Variants in UBASH3A observed in about 807,000 individuals in gnomAD.
UBASH3A encodes the protein ubiquitin associated and SH3 domain containing A.
In UBASH3A, 63 loss-of-function variants were observed where a neutral mutation model predicts 73.5. The observed-to-expected ratio is 0.86, with a 90% CI of 0.70 to 1.06. The LOEUF is 1.06. UBASH3A is among the 50% of genes least tolerant of loss of function. UBASH3A has a pLI of 0.00. For synonymous variants in UBASH3A, 363 were observed against 351.1 expected (o/e 1.03, Z -0.38); for missense variants, 860 against 859.0 (o/e 1.00, Z -0.02).
rs114089049 is a variant in UBASH3A at position 42,434,441 on chromosome 21, G to A, written c.1271-391G>A. ...TCTGTCCCCTGAGCAAGAAGGATACGTTTAAAGCTAGGGGGATGGATCATT... is the reference window on the plus strand; with the variant it reads ...TCTGTCCCCTGAGCAAGAAGGATACATTTAAAGCTAGGGGGATGGATCATT... On this transcript the variant is annotated intron_variant, in intron 9 of 14. Transcript: ENST00000319294. 5.3e-3 allele frequency among the ~76,000 whole-genome samples: 802 copies of A among 152,278 alleles called. 11 individuals are homozygous for A. Among genetic ancestry groups the A allele is most frequent in the African/African-American group, 0.019 (782 of 41,548 alleles).
chr21:42,432,063 G>A (rs369364334), intron 8 of UBASH3A, 40 bp from the exon 9 acceptor site: 102 of 1,344,124 alleles, frequency 7.6e-5, no homozygotes, highest in Admixed American at 5.9e-4. Context: ...TGAGTTGGAT[G>A]TTAAACTGCA....
intron 1 of UBASH3A, 185 bp downstream of exon 1, chr21:42,404,243 A>G (rs999425840): frequency 1.0e-5 from 4 of 385,318 alleles, no homozygotes; most frequent in Admixed American, 9.0e-5. Flanking sequence ...GGTGATCTTG[A>G]CCAAGCTTGT....
At chr21:42,437,438 G>GAGGCT (rs768279352) in intron 10 of UBASH3A, 50 bp from the exon 11 acceptor site, 1 of 1,549,722 alleles carries the variant, frequency 6.5e-7, no homozygotes. Context: ...TCTGCCATCA[G>GAGGCT]AGGCTAGAAT....
intron 3 of UBASH3A, among the ~76,000 whole-genome samples, chr21:42,411,312 C>T (rs2053089079): frequency 6.6e-6 from 1 of 151,892 alleles, no homozygotes; most frequent in Admixed American, 6.6e-5. Context: ...CAGATATACA[C>T]ACACAGGAAT....
chr21:42,431,928 T>C (rs12482947), intron 8 of UBASH3A, among the ~76,000 whole-genome samples, 175 bp from the exon 9 acceptor site: 87,097 of 152,064 alleles, frequency 0.57, 25,195 homozygotes, highest in Middle Eastern at 0.7. Flanking sequence ...GAAGAGATTG[T>C]CAATTTCATG....
chr21:42,424,814 G>A lies in UBASH3A; in HGVS notation c.1047-1883G>A, dbSNP rs377486548. Among the ~76,000 whole-genome samples the A allele has an allele frequency of 2.0e-5, 3 of 152,322 alleles. 1 individual carries two copies. The highest frequency in any genetic ancestry group is 1.9e-4 in the East Asian group (1 of 5,192). On this transcript the variant is annotated intron_variant, in intron 7 of 14. Transcript: ENST00000319294. ...TTGGAGACAGGGTCTTTAAAGAGGT[G>A]ACTAAGTTCAAATGAGGGCATTAGA...
chr21:42,434,814 T>C lies in UBASH3A; in HGVS notation c.1271-18T>C, dbSNP rs772216208. Reference sequence around the variant, plus strand: ...TAACTTGATGAAACTGAACGTCTGATGCTTATTTATACTTCAGGGAAATAC... The same window carrying C: ...TAACTTGATGAAACTGAACGTCTGACGCTTATTTATACTTCAGGGAAATAC... On this transcript the variant is annotated intron_variant, in intron 9 of 14. Transcript: ENST00000319294. 1.9e-6 allele frequency: 3 copies of C among 1,607,478 alleles called. No individual in the cohort carries two copies. In the East Asian group the frequency reaches 6.7e-5, roughly 36 times the overall value.
chr21:42,414,723 G>T (rs2053167601), intron 5 of UBASH3A, among the ~76,000 whole-genome samples: 1 of 152,198 alleles, frequency 6.6e-6, no homozygotes, highest in Non-Finnish European at 1.5e-5. Context: ...GAAACTGGAA[G>T]AAGCCAGGAA....
intron 7 of UBASH3A, among the ~76,000 whole-genome samples, chr21:42,420,993 T>C (rs2053328697): frequency 6.6e-6 from 1 of 152,226 alleles, no homozygotes; most frequent in Admixed American, 6.5e-5. Context: ...AGAATGCCTC[T>C]TGTAGCCCAC....
At chr21:42,446,868 T>TGGCTAGGGGACATCCCCC (rs2053852488) in intron 14 of UBASH3A, among the ~76,000 whole-genome samples, 189 bp from the exon 15 acceptor site, 3 of 152,202 alleles carry the variant, frequency 2.0e-5, no homozygotes, top group South Asian at 4.1e-4. Flanking sequence ...CAGTGTCCCC[T>TGGCTAGGGGACATCCCCC]GGCTAGGGGA....
chr21:42,411,449 C>T (rs1428955284), intron 3 of UBASH3A, among the ~76,000 whole-genome samples: 1 of 152,014 alleles, frequency 6.6e-6, no homozygotes, highest in East Asian at 1.9e-4. Context: ...TACAGACACA[C>T]ACATAAGCAC....
intron 14 of UBASH3A, among the ~76,000 whole-genome samples, chr21:42,445,627 C>T (rs778660910): frequency 7.9e-5 from 12 of 152,224 alleles, no homozygotes; most frequent in Non-Finnish European, 2.9e-5. Flanking sequence ...AGAGGTTACG[C>T]ACATGAAGAG....
At chr21:42,435,228 G>A (rs910272888) in intron 10 of UBASH3A, 8 of 256,680 alleles carry the variant, frequency 3.1e-5, no homozygotes, top group Non-Finnish European at 5.1e-5. Flanking sequence ...AGAGAGGGGA[G>A]GAAAAATCAA....
In UBASH3A at chr21:42,447,054, C is replaced by T. The variant is rs370138128; in HGVS notation, c.1849-3C>T. 3.1e-4 allele frequency: 499 copies of T among 1,611,406 alleles called. No individual in the cohort carries two copies. The highest frequency in any genetic ancestry group is 3.9e-4 in the Non-Finnish European group (461 of 1,179,132). ...TAACAAGTGATTTAAAACTCTGTTCCAGATCCCTTCCCTGGGCATGTGCTT... is the reference window on the plus strand; with the variant it reads ...TAACAAGTGATTTAAAACTCTGTTCTAGATCCCTTCCCTGGGCATGTGCTT... On this transcript the variant is annotated splice_region_variant and splice_polypyrimidine_tract_variant and intron_variant, in intron 14 of 14. Transcript: ENST00000319294.
At position 42,407,644 on chromosome 21, in the gene UBASH3A, G is replaced by C. The variant is rs193288787; in HGVS notation, c.167+1283G>C. Among the ~76,000 whole-genome samples the C allele has an allele frequency of 1.2e-3, 184 of 152,312 alleles. 1 individual carries two copies. The highest frequency in any genetic ancestry group is 4.2e-3 in the African/African-American group (173 of 41,558). ...CAAGGTAACTCCAAGTGTTGATGAGGGTGAGGGAAGCAGGGCCTCACACGT... is the reference window on the plus strand; with the variant it reads ...CAAGGTAACTCCAAGTGTTGATGAGCGTGAGGGAAGCAGGGCCTCACACGT... On this transcript the variant is annotated intron_variant, in intron 2 of 14. Coordinates refer to ENST00000319294, the MANE Select transcript of UBASH3A (RefSeq NM_018961.4).
At position 42,413,380 on chromosome 21, in the gene UBASH3A, G is replaced by A. The variant is rs758765906; in HGVS notation, c.554-30G>A. On this transcript the variant is annotated intron_variant, in intron 4 of 14. Coordinates refer to ENST00000319294, the MANE Select transcript of UBASH3A (RefSeq NM_018961.4). The surrounding 1 kb of genome is among the most constrained non-coding windows in gnomAD (Gnocchi z 4.5). The stretch of plus-strand genomic sequence containing the variant: ...GGATGGCTGGGTGGGCTTTCTTCCG[G>A]GCTCAGTGGCTGCACCTGTCCTCAC... 6.3e-7 allele frequency: 1 copy of A among 1,588,756 alleles called. No homozygotes were observed. Among genetic ancestry groups the A allele is most frequent in the Non-Finnish European group, 8.6e-7 (1 of 1,161,958 alleles).
Position 42,406,307 on chromosome 21 carries a change from G to A in UBASH3A, c.114-1G>A. On this transcript the variant is annotated splice_acceptor_variant, in intron 1 of 14. Transcript: ENST00000319294. LOFTEE classifies it high-confidence loss of function. ...TTGTGTCTGTGTCTGCTCTTCTGCA[G>A]GCTGAAAGCGTTGGCAGCCACGGGG... 6.2e-7 allele frequency: 1 copy of A among 1,613,964 alleles called. No individual in the cohort carries two copies. Among genetic ancestry groups the A allele is most frequent in the South Asian group, 1.1e-5 (1 of 91,076 alleles).
Position 42,432,150 on chromosome 21 carries a change from A to T in UBASH3A, c.1218A>T (p.Arg406Ser), listed in dbSNP as rs1343321988. The part of the protein sequence containing the change: ...KSVLVVRHGE[R>S]VDQIFGKAWL... Reference sequence around the variant, plus strand: ...TGCTGGTGGTTCGCCACGGGGAGAGAGTGGATCAGATCTTCGGGAAGGCAT... The same window carrying T: ...TGCTGGTGGTTCGCCACGGGGAGAGTGTGGATCAGATCTTCGGGAAGGCAT... Residue 406 changes from arginine (R) to serine (S), a missense_variant, in exon 9 of 15, where the codon AGA (arginine) becomes AGT (serine). Physicochemically the swap from Arg to Ser is moderately radical, Grantham distance 110 (BLOSUM62 -1). Coordinates refer to ENST00000319294, the MANE Select transcript of UBASH3A (RefSeq NM_018961.4). The T allele has an allele frequency of 9.3e-6, 15 of 1,613,548 alleles. No individual in the cohort carries two copies. The highest frequency in any genetic ancestry group is 1.3e-5 in the Non-Finnish European group (15 of 1,179,824).
At position 42,443,386 on chromosome 21, in the gene UBASH3A, T is replaced by C; in HGVS notation, c.1706T>C (p.Met569Thr). The C allele has an allele frequency of 6.2e-7, 1 of 1,612,984 alleles. No homozygotes were observed. Among genetic ancestry groups the C allele is most frequent in the Non-Finnish European group, 8.5e-7 (1 of 1,179,462 alleles). ...QEYMDRCTAS[M>T]VQIVNTCPQD... is the part of the protein sequence containing the mutation. ...TACATGGACAGGTGCACGGCGAGCA[T>C]GGTGCAAATCGTCAACACCTGTCCA... Residue 569 changes from methionine (M) to threonine (T), a missense_variant, in exon 13 of 15, where the codon ATG (methionine) becomes ACG (threonine). By Grantham distance (81) the Met-to-Thr change is moderately conservative. Transcript: ENST00000319294.
Sources: allele counts gnomAD v4.1 joint callset (sites outside exome capture counted in the v4.1 genomes callset), GRCh38; gene constraint gnomAD v4.1.1; non-coding constraint Gnocchi (gnomAD v3.1); transcripts MANE v1.5; gene names NCBI Gene and HGNC (gene_info 2026-07-23, HGNC 2026-07-21).